Variants in SEL1L2 observed in about 807,000 individuals in gnomAD.
SEL1L2 encodes the protein SEL1L2 adaptor subunit of SYVN1 ubiquitin ligase, also known as protein sel-1 homolog 2.
In SEL1L2, 89 loss-of-function variants were observed where a neutral mutation model predicts 98.8. That is an observed-to-expected ratio of 0.90 (90% CI 0.76 to 1.07). SEL1L2 has a LOEUF of 1.07. Among genes scored for constraint, SEL1L2 ranks in the 50% least tolerant of loss-of-function variants. The pLI is 0.00. For synonymous variants in SEL1L2, 262 were observed against 278.5 expected (o/e 0.94, Z 0.59); for missense variants, 788 against 812.0 (o/e 0.97, Z 0.36).
At chr20:13,977,699 G>A (rs192773527) in intron 1 of SEL1L2, among the ~76,000 whole-genome samples, 1 of 152,256 alleles carries the variant, frequency 6.6e-6, no homozygotes. Context: ...CTGCAAGGGG[G>A]TCTGTTCCCC....
chr20:13,934,002 A>T (rs2049281325), intron 2 of SEL1L2, among the ~76,000 whole-genome samples: 1 of 150,250 alleles, frequency 6.7e-6, no homozygotes, highest in South Asian at 2.1e-4. Context: ...TTGGGAGAAC[A>T]GGTAGGATTT....
At chr20:13,853,316 G>C (rs1988583796) in intron 18 of SEL1L2, among the ~76,000 whole-genome samples, 1 of 151,682 alleles carries the variant, frequency 6.6e-6, no homozygotes, top group Admixed American at 6.6e-5. Context: ...CTCCCATCTG[G>C]GCTTCCTGAG....
chr20:13,955,322 G>A (rs2050478305), intron 2 of SEL1L2, among the ~76,000 whole-genome samples: 1 of 152,130 alleles, frequency 6.6e-6, no homozygotes, highest in Non-Finnish European at 1.5e-5. Context: ...TGTAAATTTA[G>A]AGAAGGTCCA....
chr20:13,852,372 C>A (rs1357958695), intron 18 of SEL1L2, among the ~76,000 whole-genome samples: 1 of 152,112 alleles, frequency 6.6e-6, no homozygotes, highest in Non-Finnish European at 1.5e-5. Flanking sequence ...GAAAGCCTTT[C>A]TTTAAAATTC....
At chr20:13,933,962 G>GT (rs1477727622) in intron 2 of SEL1L2, among the ~76,000 whole-genome samples, 3 of 16,442 alleles carry the variant, frequency 1.8e-4, no homozygotes, top group East Asian at 2.5e-3. Flanking sequence ...GTAAACCTAA[G>GT]GTTTTTTTTT....
chr20:13,940,142 T>A (rs1173696307), intron 2 of SEL1L2, among the ~76,000 whole-genome samples: 2 of 152,114 alleles, frequency 1.3e-5, no homozygotes, highest in South Asian at 4.1e-4. Context: ...AACAAATAAA[T>A]GAACAAGTTA....
rs1003155961 is a variant in SEL1L2, at chr20:13,955,979, AG to A, written c.114+96del. ...ATATTGATTGAGAATTAAAAAAAAA[AG>A]AGACAATAGTTAATAATTCTGAGTA... On this transcript the variant is annotated intron_variant, in intron 2 of 19. Coordinates refer to ENST00000284951, the MANE Select transcript of SEL1L2 (RefSeq NM_025229.2). 1.2e-5 allele frequency: 8 copies of A among 695,192 alleles called. No individual in the cohort carries two copies. The African/African-American group carries it at 1.5e-4, about 13-fold the overall frequency. 43.1% of individuals were successfully genotyped at this position (695,192 alleles called of 1,614,324 possible).
intron 2 of SEL1L2, among the ~76,000 whole-genome samples, chr20:13,951,455 G>A (rs1283200839): frequency 7.2e-6 from 1 of 138,734 alleles, no homozygotes; most frequent in Non-Finnish European, 1.5e-5. Context: ...CAAAAAATTA[G>A]CTGGGCATGG....
At chr20:13,988,399 C>A (rs1160520383) in intron 1 of SEL1L2, among the ~76,000 whole-genome samples, 1 of 152,014 alleles carries the variant, frequency 6.6e-6, no homozygotes, top group Non-Finnish European at 1.5e-5. Context: ...ATCCAGTTGT[C>A]CCAGCACCAT....
chr20:13,910,831 AGCTAGATGTAACTG>A (rs900943079), intron 5 of SEL1L2, among the ~76,000 whole-genome samples: 2 of 152,244 alleles, frequency 1.3e-5, no homozygotes, highest in African/African-American at 4.8e-5. Flanking sequence ...GAGTAACACT[AGCTAGATGTAACTG>A]GCTAGATGTA....
At chr20:13,946,014 T>C (rs549393249) in intron 2 of SEL1L2, among the ~76,000 whole-genome samples, 1 of 152,280 alleles carries the variant, frequency 6.6e-6, no homozygotes, top group East Asian at 1.9e-4. Context: ...TTAAAGTTAA[T>C]ATCATACTCA....
At chr20:13,892,345 G>A (rs1268052897) in intron 5 of SEL1L2, among the ~76,000 whole-genome samples, 4 of 151,984 alleles carry the variant, frequency 2.6e-5, no homozygotes, top group Admixed American at 2.6e-4. Context: ...AGCTACTTGG[G>A]AAGCTGAGGC....
chr20:13,966,399 A>AC (rs2051043830), intron 1 of SEL1L2, among the ~76,000 whole-genome samples: 1 of 151,838 alleles, frequency 6.6e-6, no homozygotes, highest in African/African-American at 2.4e-5. Context: ...GCTCACTGCA[A>AC]CCTCTGCCTC....
intron 5 of SEL1L2, among the ~76,000 whole-genome samples, chr20:13,892,812 T>C (rs993619723): frequency 6.6e-6 from 1 of 152,202 alleles, no homozygotes; most frequent in African/African-American, 2.4e-5. Context: ...AGGACACACA[T>C]AGGCTGAACA....
chr20:13,938,230 AC>A (rs764480781), intron 2 of SEL1L2, among the ~76,000 whole-genome samples: 1 of 151,702 alleles, frequency 6.6e-6, no homozygotes, highest in East Asian at 1.9e-4. Flanking sequence ...ACAGGTGCGC[AC>A]CACCACACCT....
chr20:13,962,084 A>G (rs1389693274), intron 1 of SEL1L2, among the ~76,000 whole-genome samples: 1 of 152,198 alleles, frequency 6.6e-6, no homozygotes, highest in Non-Finnish European at 1.5e-5. Flanking sequence ...GATATGATAA[A>G]GTGAGACCTG....
chr20:13,892,184 TC>T (rs1164971977), intron 5 of SEL1L2, among the ~76,000 whole-genome samples: 1 of 152,134 alleles, frequency 6.6e-6, no homozygotes. Flanking sequence ...CCATTGTGCC[TC>T]ATGCCTGTAA....
At chr20:13,919,200 T>G (rs566452956) in intron 3 of SEL1L2, 77 bp from the exon 4 acceptor site, 2 of 858,610 alleles carry the variant, frequency 2.3e-6, no homozygotes, top group South Asian at 3.3e-5. Context: ...GCTAAAGTAA[T>G]TTGTTGGCAT....
chr20:13,938,464 T>A (rs1241297526), intron 2 of SEL1L2, among the ~76,000 whole-genome samples: 1 of 152,230 alleles, frequency 6.6e-6, no homozygotes, highest in Admixed American at 6.5e-5. Flanking sequence ...TACATTGTTT[T>A]GTTTGGATGA....
Sources: allele counts gnomAD v4.1 joint callset (sites outside exome capture counted in the v4.1 genomes callset), GRCh38; gene constraint gnomAD v4.1.1; transcripts MANE v1.5; gene names NCBI Gene and HGNC (gene_info 2026-07-23, HGNC 2026-07-21).